RNF213: variants seen among roughly 807,000 people sequenced by gnomAD.
The protein encoded by RNF213 is ring finger protein 213.
RNF213 carries 341 observed loss-of-function variants against 514.4 expected under a neutral mutation model. The ratio of observed to expected loss-of-function variants is 0.66; its 90% CI spans 0.61 to 0.73. The LOEUF (loss-of-function observed/expected upper bound fraction) is 0.73, where lower values mean the gene tolerates loss of function less well. Ranked by LOEUF, RNF213 falls within the 30% of genes least tolerant of loss-of-function variation. The pLI is 0.00. For synonymous variants in RNF213, 2,655 were observed against 2,658.2 expected (o/e 1.00, Z 0.04); for missense variants, 5,767 against 6,615.6 (o/e 0.87, Z 4.45).
intron 7 of RNF213, 79 bp downstream of exon 7, chr17:80,290,807 A>C (rs1192166135): frequency 1.9e-6 from 3 of 1,567,906 alleles, no homozygotes; most frequent in Non-Finnish European, 1.7e-6. Context: ...AGTTTAAAAA[A>C]ATTTTGTTTT....
At position 80,397,942 on chromosome 17, in the gene RNF213, G is replaced by T. The variant is rs1465591599; in HGVS notation, c.*4444G>T. The T allele has an allele frequency of 6.8e-6, 1 of 147,472 alleles. No individual in the cohort carries two copies. Among genetic ancestry groups the T allele is most frequent in the African/African-American group, 2.5e-5 (1 of 39,908 alleles). 9.1% of individuals were successfully genotyped at this position (147,472 alleles called of 1,614,324 possible). A position where few individuals can be genotyped will look rare whatever the true frequency, so the allele number is the denominator to read the frequency against. ...CTCTCAGGCAGGCAATTGCCCCAGT[G>T]GAATGCCTGGCCAGAGCAGTGTGTA... On this transcript the variant is annotated 3_prime_UTR_variant, in exon 68 of 68. Transcript: ENST00000582970.
intron 11 of RNF213, among the ~76,000 whole-genome samples, chr17:80,305,819 C>T (rs1383025605): frequency 3.3e-5 from 5 of 152,068 alleles, no homozygotes; most frequent in East Asian, 1.9e-4. Flanking sequence ...GCAGTTTCAC[C>T]GTGTTGGCCA....
rs2078767151 is a variant in RNF213 at position 80,355,670 on chromosome 17, ACAGGGGGAAGAAGCGGGG to A, written c.10862+1095_10862+1112del. On this transcript the variant is annotated intron_variant, in intron 36 of 67. Transcript: ENST00000582970. ...GCGGGGTGGACGGGAATGGGGGCTT[ACAGGGGGAAGAAGCGGGG>A]TGACCGGGAATGGGGGCTTACAGAG... 1.4e-3 allele frequency among the ~76,000 whole-genome samples: 30 copies of A among 21,820 alleles called. 4 individuals carry two copies. The highest frequency in any genetic ancestry group is 7.3e-3 in the East Asian group (8 of 1,102). 14.3% of individuals were successfully genotyped at this position (21,820 alleles called of 152,430 possible).
intron 2 of RNF213, among the ~76,000 whole-genome samples, chr17:80,270,921 T>C (rs2043799424): frequency 6.6e-6 from 1 of 152,158 alleles, no homozygotes; most frequent in Non-Finnish European, 1.5e-5. Flanking sequence ...CAGACAGTGG[T>C]TTCCCAGCAC....
At chr17:80,357,301 C>A (rs2078866458) in intron 36 of RNF213, among the ~76,000 whole-genome samples, 1 of 152,092 alleles carries the variant, frequency 6.6e-6, no homozygotes, top group African/African-American at 2.4e-5. Context: ...ATATATATAA[C>A]AACAAAATGT....
intron 55 of RNF213, among the ~76,000 whole-genome samples, chr17:80,380,220 T>A (rs956777617): frequency 1.3e-5 from 2 of 152,186 alleles, no homozygotes; most frequent in Admixed American, 6.5e-5. Flanking sequence ...CACAATCCCA[T>A]GCTGAGATGA....
At position 80,344,946 on chromosome 17, in the gene RNF213, A is replaced by G. The variant is rs774152938; in HGVS notation, c.6611A>G (p.His2204Arg). The G allele has an allele frequency of 1.6e-5, 26 of 1,614,144 alleles. No homozygotes were observed. The East Asian group carries it at 5.6e-4, about 35-fold the overall frequency. ...PEECLQHFLF[H>R]CGVINPSWSE... is the part of the protein sequence containing the mutation. ...GAATGCCTCCAGCATTTCCTGTTTC[A>G]CTGCGGGGTAATAAACCCATCCTGG... Residue 2204 changes from histidine (H) to arginine (R), a missense_variant, in exon 29 of 68, where the codon CAC becomes CGC. Coordinates refer to ENST00000582970, the MANE Select transcript of RNF213 (RefSeq NM_001256071.3).
intron 16 of RNF213, among the ~76,000 whole-genome samples, chr17:80,318,053 G>C (rs1057227486): frequency 5.3e-5 from 8 of 152,082 alleles, no homozygotes; most frequent in African/African-American, 1.9e-4. Flanking sequence ...CCTGAAGTCA[G>C]GACGTCTTTC....
intron 15 of RNF213, among the ~76,000 whole-genome samples, chr17:80,313,914 ATGGTGGAGG>A (rs1345196026): frequency 0.15 from 241 of 1,570 alleles, 83 homozygotes; most frequent in Admixed American, 0.26. Context: ...GGTGGTGGTG[ATGGTGGAGG>A]TGGTGGAGGT....
Position 80,358,474 on chromosome 17 carries a change from T to C in RNF213, c.11049T>C (p.Asn3683=), listed in dbSNP as rs145019092. 5.5e-4 allele frequency: 884 copies of C among 1,613,586 alleles called. No individual in the cohort carries two copies. The highest frequency in any genetic ancestry group is 9.5e-4 in the Admixed American group (57 of 60,022). The change falls in exon 37 of 68, where the codon AAT becomes AAC. Residue 3683 remains asparagine (N), a synonymous_variant. Transcript: ENST00000582970. ...TGAACATTCCTCTTGTGATGAATAA[T>C]GAAAGGTGAGTGGAAGGCTTTCTTT... ...MLLNIPLVMN[N]ERHKGEMAYI...
In RNF213 at chr17:80,319,543, C is replaced by G. The variant is rs1466419781; in HGVS notation, c.3024+231C>G. 3 of 1,611,736 alleles carry G rather than the reference C, an allele frequency of 1.9e-6. No individual in the cohort carries two copies. The African/African-American group carries it at 4.0e-5, about 22-fold the overall frequency. On this transcript the variant is annotated intron_variant, in intron 17 of 67. Transcript: ENST00000582970. ...CTGCTCGCACCATCCTGCATGTGTT[C>G]CATATGGAATCACGGCCGTGCGCGT...
At chr17:80,389,114 G>C (rs767401472) in intron 64 of RNF213, 59 bp from the exon 65 acceptor site, 4 of 1,506,278 alleles carry the variant, frequency 2.7e-6, no homozygotes, top group Non-Finnish European at 2.8e-6. Context: ...CTCTTACCAG[G>C]TGGTGAGATG....
rs1179194468 is a variant in RNF213, at chr17:80,394,766, C to G, written c.*1268C>G. Reference sequence around the variant, plus strand: ...CACGGAAGGAACTGTGCTCCGTTCTCCTCACTGTCATGGTGCCACCAGTGT... The same window carrying G: ...CACGGAAGGAACTGTGCTCCGTTCTGCTCACTGTCATGGTGCCACCAGTGT... On this transcript the variant is annotated 3_prime_UTR_variant, in exon 68 of 68. Transcript: ENST00000582970. 1.1e-4 allele frequency: 16 copies of G among 152,210 alleles called. No individual in the cohort carries two copies. The highest frequency in any genetic ancestry group is 1.0e-3 in the Admixed American group (16 of 15,274). 9.4% of individuals were successfully genotyped at this position (152,210 alleles called of 1,614,324 possible). A position where few individuals can be genotyped will look rare whatever the true frequency, so the allele number is the denominator to read the frequency against.
At position 80,312,637 on chromosome 17, in the gene RNF213, T is replaced by C. The variant is rs566105857; in HGVS notation, c.2656-375T>C. 4.3e-4 allele frequency among the ~76,000 whole-genome samples: 65 copies of C among 152,268 alleles called. 1 individual carries two copies. The highest frequency in any genetic ancestry group is 1.3e-3 in the African/African-American group (54 of 41,554). ...GTCAGGAGCCTGGCTGTCTCCTGTG[T>C]CTAAGGAACAGGCCCGGGAGTCTGC... On this transcript the variant is annotated intron_variant, in intron 14 of 67. Transcript: ENST00000582970.
At chr17:80,336,826 G>C (rs114546296) in intron 23 of RNF213, 1 of 318,448 alleles carries the variant, frequency 3.1e-6, no homozygotes, top group Non-Finnish European at 6.1e-6. Flanking sequence ...GCTTGAACCC[G>C]GGAGGCAGAG....
intron 37 of RNF213, among the ~76,000 whole-genome samples, chr17:80,359,040 G>A (rs1016135695): frequency 1.3e-5 from 2 of 152,132 alleles, no homozygotes; most frequent in Non-Finnish European, 2.9e-5. Flanking sequence ...AGTGCGCTGC[G>A]AACAGCCCCA....
In RNF213 at chr17:80,317,342, A is replaced by G; in HGVS notation, c.2901+65A>G. 7.0e-7 allele frequency: 1 copy of G among 1,437,988 alleles called. No homozygotes were observed. Among genetic ancestry groups the G allele is most frequent in the Non-Finnish European group, 9.7e-7 (1 of 1,033,142 alleles). 89.1% of individuals were successfully genotyped at this position (1,437,988 alleles called of 1,614,324 possible). A position where few individuals can be genotyped will look rare whatever the true frequency, so the allele number is the denominator to read the frequency against. On this transcript the variant is annotated intron_variant, in intron 16 of 67. Transcript: ENST00000582970. This position sits in a 1 kb window ranked among gnomAD's most constrained non-coding sequence, Gnocchi z 4.1. ...GCAAGCTGGAGAACCCCAGACCATTAGCGACAGCCAAGAGATCTCAGCAGT... is the reference window on the plus strand; with the variant it reads ...GCAAGCTGGAGAACCCCAGACCATTGGCGACAGCCAAGAGATCTCAGCAGT...
At position 80,306,350 on chromosome 17, in the gene RNF213, T is replaced by C; in HGVS notation, c.2309T>C (p.Leu770Pro). 6.2e-7 allele frequency: 1 copy of C among 1,614,214 alleles called. No homozygotes were observed. The highest frequency in any genetic ancestry group is 8.5e-7 in the Non-Finnish European group (1 of 1,180,040). The stretch of plus-strand genomic sequence containing the variant: ...TTTAGTCTGCTACCTCTGAGTCACC[T>C]GGTTATGTATATGGAAAACTTCATT... ...SWFSLLPLSH[L>P]VMYMENFIEH... Residue 770 changes from leucine (L) to proline (P), a missense_variant, in exon 12 of 68, where the codon CTG (leucine) becomes CCG (proline). Transcript: ENST00000582970.
chr17:80,355,373 C>A (rs2078709085), intron 36 of RNF213: 1 of 359,110 alleles, frequency 2.8e-6, no homozygotes, highest in Non-Finnish European at 5.9e-6. Context: ...GGAATGGGAG[C>A]TTACAGGGGA....
Sources: allele counts gnomAD v4.1 joint callset (sites outside exome capture counted in the v4.1 genomes callset), GRCh38; gene constraint gnomAD v4.1.1; non-coding constraint Gnocchi (gnomAD v3.1); transcripts MANE v1.5; gene names NCBI Gene and HGNC (gene_info 2026-07-23, HGNC 2026-07-21).